YES1: variants seen among roughly 807,000 people sequenced by gnomAD.
YES1 encodes the protein tyrosine-protein kinase Yes.
A neutral mutation model predicts 70.4 loss-of-function variants in YES1; 39 were observed. The observed-to-expected ratio is 0.55, with a 90% CI of 0.43 to 0.72. YES1 has a LOEUF of 0.72. Ranked by LOEUF, YES1 falls within the 30% of genes least tolerant of loss-of-function variation. YES1 has a pLI of 0.00. For missense variants in YES1, 495 were observed against 644.8 expected, an observed-to-expected ratio of 0.77 and a Z score of 2.52; for synonymous variants, 198 against 218.6, an observed-to-expected ratio of 0.91 and a Z score of 0.83.
intron 1 of YES1, among the ~76,000 whole-genome samples, chr18:772,063 T>C (rs7227492): frequency 0.21 from 31,158 of 151,354 alleles, 3,348 homozygotes; most frequent in East Asian, 0.32. Flanking sequence ...AATTTCACTC[T>C]TGTTGCCCAG....
intron 1 of YES1, among the ~76,000 whole-genome samples, chr18:801,712 G>GT (rs1906831408): frequency 6.6e-6 from 1 of 152,144 alleles, no homozygotes; most frequent in African/African-American, 2.4e-5. Flanking sequence ...GTGTGTATGT[G>GT]TATATACAGA....
In YES1 at chr18:756,793, G is replaced by A. The variant is rs1171444863; in HGVS notation, c.35C>T (p.Pro12Leu). ...GCIKSKENKS[P>L]AIKYRPENTP... ...ATTTTCAGGTCTGTATTTAATGGCT[G>A]GACTTTTGTTTTCTTTACTTTTAAT... The change falls in exon 2 of 12, where the codon CCA becomes CTA. Residue 12 changes from proline (P) to leucine (L), a missense_variant. Transcript: ENST00000314574. 6.2e-7 allele frequency: 1 copy of A among 1,613,860 alleles called. No homozygotes were observed. The highest frequency in any genetic ancestry group is 2.2e-5 in the East Asian group (1 of 44,870).
intron 1 of YES1, among the ~76,000 whole-genome samples, chr18:780,978 G>A (rs1367057106): frequency 6.6e-6 from 1 of 152,066 alleles, no homozygotes; most frequent in African/African-American, 2.4e-5. Flanking sequence ...ACATAAAATA[G>A]AAGACCTTGG....
chr18:737,869 A>C (rs7244795), intron 9 of YES1, among the ~76,000 whole-genome samples: 87,455 of 151,896 alleles, frequency 0.58, 25,607 homozygotes, highest in East Asian at 0.7. Flanking sequence ...TAGGCATGCG[A>C]CACCACACCC....
intron 10 of YES1, among the ~76,000 whole-genome samples, chr18:733,483 C>T (rs976615528): frequency 1.3e-5 from 2 of 151,974 alleles, no homozygotes; most frequent in Admixed American, 1.3e-4. Flanking sequence ...ACTATGGAAA[C>T]CTAAAAAGCA....
At chr18:741,775 G>A (rs559153376) in intron 8 of YES1, among the ~76,000 whole-genome samples, 1 of 152,230 alleles carries the variant, frequency 6.6e-6, no homozygotes, top group Middle Eastern at 3.4e-3. Flanking sequence ...CACCCTGGGG[G>A]ATAGAGTGAG....
rs553836729 is a variant in YES1 at position 771,204 on chromosome 18, T to C, written c.-8-14369A>G. Among the ~76,000 whole-genome samples, 30 of 152,054 alleles carry C rather than the reference T, an allele frequency of 2.0e-4. 1 individual carries two copies. Among genetic ancestry groups the C allele is most frequent in the Middle Eastern group, 3.4e-3 (1 of 294 alleles). On this transcript the variant is annotated intron_variant, in intron 1 of 11. Coordinates refer to ENST00000314574, the MANE Select transcript of YES1 (RefSeq NM_005433.4). ...CAACATGGCGAAACCTCGTCTCTACTAAAAATACAAAAATAAGCTGGGCAT... is the reference window on the plus strand; with the variant it reads ...CAACATGGCGAAACCTCGTCTCTACCAAAAATACAAAAATAAGCTGGGCAT...
intron 1 of YES1, among the ~76,000 whole-genome samples, chr18:771,650 A>T (rs938228375): frequency 3.3e-5 from 5 of 151,708 alleles, no homozygotes; most frequent in African/African-American, 9.7e-5. Context: ...CCGGTCTCAA[A>T]CTATCCTCCC....
At chr18:776,194 C>T (rs1223755946) in intron 1 of YES1, among the ~76,000 whole-genome samples, 1 of 141,858 alleles carries the variant, frequency 7.0e-6, no homozygotes, top group Non-Finnish European at 1.5e-5. Flanking sequence ...TTGGTATACT[C>T]GATCTTTTTT....
chr18:742,574 C>A (rs910633416), intron 8 of YES1, among the ~76,000 whole-genome samples: 7 of 151,658 alleles, frequency 4.6e-5, no homozygotes, highest in African/African-American at 1.7e-4. Context: ...TACCTTATTT[C>A]TTTGCTTTAG....
At chr18:729,863 GATC>G (rs978263780) in intron 11 of YES1, among the ~76,000 whole-genome samples, 11 of 152,200 alleles carry the variant, frequency 7.2e-5, no homozygotes, top group African/African-American at 2.6e-4. Flanking sequence ...CTGACCTTGT[GATC>G]CACCCGCCTT....
intron 1 of YES1, among the ~76,000 whole-genome samples, chr18:801,320 G>C (rs1906810630): frequency 1.3e-5 from 2 of 152,050 alleles, no homozygotes; most frequent in Admixed American, 1.3e-4. Flanking sequence ...GAGACAGAGT[G>C]ACACCCTGTC....
chr18:773,308 C>T (rs1338802377), intron 1 of YES1, among the ~76,000 whole-genome samples: 1 of 152,154 alleles, frequency 6.6e-6, no homozygotes. Context: ...TACTTTGTTC[C>T]CTCCTCATAC....
At chr18:778,319 T>C (rs1905487362) in intron 1 of YES1, among the ~76,000 whole-genome samples, 1 of 152,186 alleles carries the variant, frequency 6.6e-6, no homozygotes, top group Non-Finnish European at 1.5e-5. Context: ...ATTAGCCCTT[T>C]AGAAAATGTA....
At chr18:794,931 T>C (rs1906462333) in intron 1 of YES1, among the ~76,000 whole-genome samples, 1 of 152,204 alleles carries the variant, frequency 6.6e-6, no homozygotes, top group Non-Finnish European at 1.5e-5. Flanking sequence ...TTCTCCTGCC[T>C]CAGCCTCCCA....
At chr18:770,496 T>A (rs1284849568) in intron 1 of YES1, among the ~76,000 whole-genome samples, 1 of 152,144 alleles carries the variant, frequency 6.6e-6, no homozygotes, top group Non-Finnish European at 1.5e-5. Context: ...CAGAGACTTC[T>A]ATGGATAGCA....
chr18:739,775 T>C lies in YES1; in HGVS notation c.1097A>G (p.Lys366Arg). The part of the protein sequence containing the change: ...LLDFLKEGDG[K>R]YLKLPQLVDM... ...AACCAGCTGTGGAAGCTTCAAATAC[T>C]TTCCATCTCCTTCCTTAAGGAAATC... Residue 366 changes from lysine (K) to arginine (R), a missense_variant, in exon 9 of 12, where the codon AAG becomes AGG. Lys to Arg is a conservative substitution (Grantham distance 26). Transcript: ENST00000314574. 1 of 1,612,702 alleles carries C rather than the reference T, an allele frequency of 6.2e-7. No homozygotes were observed. Among genetic ancestry groups the C allele is most frequent in the Non-Finnish European group, 8.5e-7 (1 of 1,179,690 alleles).
chr18:749,580 G>C (rs1303058413), intron 3 of YES1, among the ~76,000 whole-genome samples: 1 of 152,034 alleles, frequency 6.6e-6, no homozygotes, highest in African/African-American at 2.4e-5. Flanking sequence ...AGAAGGCTGG[G>C]CGCGGTGGCT....
intron 1 of YES1, among the ~76,000 whole-genome samples, chr18:809,987 C>T (rs116774977): frequency 6.6e-6 from 1 of 151,142 alleles, no homozygotes; most frequent in African/African-American, 2.4e-5. Context: ...TCTATTTTTA[C>T]GTTCACAGAA....
Sources: allele counts gnomAD v4.1 joint callset (sites outside exome capture counted in the v4.1 genomes callset), GRCh38; gene constraint gnomAD v4.1.1; transcripts MANE v1.5; gene names NCBI Gene and HGNC (gene_info 2026-07-23, HGNC 2026-07-21).